Variants in CYP2C19 observed in about 807,000 individuals in gnomAD.
CYP2C19 encodes cytochrome P450 2C19.
A neutral mutation model predicts 40.9 loss-of-function variants in CYP2C19; 59 were observed. The observed-to-expected ratio is 1.44, with a 90% CI of 1.17 to 1.79. The LOEUF is 1.79. CYP2C19 is among the 40% of genes most tolerant of loss of function. CYP2C19 has a pLI of 0.00. For missense variants in CYP2C19, 754 were observed against 596.9 expected, an observed-to-expected ratio of 1.26 and a Z score of -2.74; for synonymous variants, 253 against 208.7, an observed-to-expected ratio of 1.21 and a Z score of -1.83.
At chr10:94,822,899 G>T (rs911810071) in intron 6 of CYP2C19, among the ~76,000 whole-genome samples, 2 of 151,752 alleles carry the variant, frequency 1.3e-5, no homozygotes, top group African/African-American at 2.4e-5. Flanking sequence ...GTCTGTTCAT[G>T]TCCTTTCACC....
At chr10:94,775,818 T>C (rs1214451008) in intron 3 of CYP2C19, 3 of 512,596 alleles carry the variant, frequency 5.9e-6, no homozygotes, top group Non-Finnish European at 1.0e-5. Context: ...ATGATGAATA[T>C]AGATTTTGAG....
chr10:94,843,086 A>T, intron 7 of CYP2C19, 62 bp downstream of exon 7: 9 of 1,586,642 alleles, frequency 5.7e-6, no homozygotes, highest in Non-Finnish European at 6.9e-6. Flanking sequence ...TCACAGTATG[A>T]TTCTTACCCT....
At chr10:94,771,735 C>T (rs1363685935) in intron 1 of CYP2C19, among the ~76,000 whole-genome samples, 2 of 152,040 alleles carry the variant, frequency 1.3e-5, no homozygotes, top group South Asian at 2.1e-4. Context: ...TCCCTGGACC[C>T]TGCTGATCAG....
chr10:94,792,230 T>C (rs934907319), intron 5 of CYP2C19, among the ~76,000 whole-genome samples: 1 of 152,170 alleles, frequency 6.6e-6, no homozygotes, highest in Admixed American at 6.5e-5. Flanking sequence ...TCTTCCTCCA[T>C]CCCTTTATTT....
chr10:94,775,031 T>G, intron 1 of CYP2C19, 27 bp from the exon 2 acceptor site: 3 of 1,610,660 alleles, frequency 1.9e-6, no homozygotes, highest in Non-Finnish European at 2.5e-6. Flanking sequence ...TGACTTCATT[T>G]GCTGTTAACT....
At chr10:94,847,971 A>T (rs945720208) in intron 7 of CYP2C19, among the ~76,000 whole-genome samples, 2 of 151,948 alleles carry the variant, frequency 1.3e-5, no homozygotes, top group African/African-American at 4.8e-5. Context: ...TAGATTCTGG[A>T]TATTAGCCCT....
At chr10:94,832,145 T>A (rs1270703974) in intron 6 of CYP2C19, among the ~76,000 whole-genome samples, 1 of 152,198 alleles carries the variant, frequency 6.6e-6, no homozygotes, top group East Asian at 1.9e-4. Flanking sequence ...CCCAGCACAA[T>A]CTATTGATGA....
chr10:94,798,842 G>C (rs1589358148), intron 5 of CYP2C19, among the ~76,000 whole-genome samples: 1 of 57,002 alleles, frequency 1.8e-5, no homozygotes. Flanking sequence ...TTTTTTTGCT[G>C]TCTATTTGCT....
At chr10:94,836,464 A>ATTCTC (rs2134281919) in intron 6 of CYP2C19, among the ~76,000 whole-genome samples, 1 of 152,294 alleles carries the variant, frequency 6.6e-6, no homozygotes, top group East Asian at 1.9e-4. Context: ...CTTGGGTTAG[A>ATTCTC]GACTTCTTTA....
chr10:94,797,999 T>C (rs1848712023), intron 5 of CYP2C19, among the ~76,000 whole-genome samples: 1 of 152,198 alleles, frequency 6.6e-6, no homozygotes, highest in Non-Finnish European at 1.5e-5. Context: ...CTTTCAGTAC[T>C]GCTCTGATCT....
chr10:94,774,850 T>C lies in CYP2C19; in HGVS notation c.169-208T>C, dbSNP rs567611862. On this transcript the variant is annotated intron_variant, in intron 1 of 8. Coordinates refer to ENST00000371321, the MANE Select transcript of CYP2C19 (RefSeq NM_000769.4). ...GGGTTAATTGTAATCTGTGTAGCAA[T>C]TGTCTGACCATTGCCTTGAACATCA... 7.8e-5 allele frequency: 46 copies of C among 589,390 alleles called. 1 individual carries two copies. The highest frequency in any genetic ancestry group is 6.9e-4 in the South Asian group (33 of 48,146). The allele number at this position is 589,390 out of a possible 1,614,324, so 36.5% of individuals were successfully genotyped here. A position where few individuals can be genotyped will look rare whatever the true frequency, so the allele number is the denominator to read the frequency against.
At chr10:94,821,233 T>C (rs936965291) in intron 6 of CYP2C19, among the ~76,000 whole-genome samples, 3 of 152,180 alleles carry the variant, frequency 2.0e-5, no homozygotes, top group Non-Finnish European at 4.4e-5. Context: ...GACAGTGACT[T>C]ATGGCAGGAA....
Position 94,832,091 on chromosome 10 carries a change from T to G in CYP2C19, c.962-10746T>G, listed in dbSNP as rs147095732. 3.1e-3 allele frequency among the ~76,000 whole-genome samples: 472 copies of G among 152,306 alleles called. 3 individuals are homozygous for G. Among genetic ancestry groups the G allele is most frequent in the African/African-American group, 0.011 (449 of 41,574 alleles). On this transcript the variant is annotated intron_variant, in intron 6 of 8. Transcript: ENST00000371321. ...GAGTTGATTTTTGTATGTGGCAAGA[T>G]ATATGAGTCCAGATTCATCCCTCTG...
chr10:94,779,856 T>C (rs1037132929), intron 3 of CYP2C19, among the ~76,000 whole-genome samples: 2 of 152,114 alleles, frequency 1.3e-5, no homozygotes, highest in African/African-American at 4.8e-5. Context: ...CAGTGTGCCC[T>C]ATCTAATTTA....
intron 1 of CYP2C19, 62 bp from the exon 2 acceptor site, chr10:94,774,996 C>T (rs771679218): frequency 9.6e-5 from 149 of 1,546,062 alleles, no homozygotes; most frequent in Non-Finnish European, 1.2e-4. Flanking sequence ...GAATCTAAGT[C>T]AGGCTTAGTA....
At chr10:94,765,896 C>A (rs1277128886) in intron 1 of CYP2C19, among the ~76,000 whole-genome samples, 3 of 151,982 alleles carry the variant, frequency 2.0e-5, no homozygotes, top group Non-Finnish European at 4.4e-5. Flanking sequence ...TAACAGGTTG[C>A]ATTGCATTCA....
intron 6 of CYP2C19, among the ~76,000 whole-genome samples, chr10:94,829,560 A>AT (rs1174014390): frequency 6.6e-6 from 1 of 151,852 alleles, no homozygotes; most frequent in Non-Finnish European, 1.5e-5. Flanking sequence ...CTTCTTCTAA[A>AT]TTTTTTTCAA....
intron 5 of CYP2C19, among the ~76,000 whole-genome samples, chr10:94,785,196 T>C (rs1848525930): frequency 6.6e-6 from 1 of 152,140 alleles, no homozygotes; most frequent in Admixed American, 6.6e-5. Flanking sequence ...ATTTTTTCTT[T>C]TGCTCCTCTG....
rs749507932 is a variant in CYP2C19 at position 94,781,885 on chromosome 10, A to C, written c.707A>C (p.Asn236Thr). The stretch of plus-strand genomic sequence containing the variant: ...GGAACCCATAACAAATTACTTAAAA[A>C]CCTTGCTTTTATGGAAAGTGATATT... ...FPGTHNKLLK[N>T]LAFMESDILE... The change falls in exon 5 of 9, where the codon AAC becomes ACC. Residue 236 changes from asparagine to threonine, a missense_variant. Coordinates refer to ENST00000371321, the MANE Select transcript of CYP2C19 (RefSeq NM_000769.4). 18 of 1,501,238 alleles carry C rather than the reference A, an allele frequency of 1.2e-5. No individual in the cohort carries two copies. The highest frequency in any genetic ancestry group is 1.7e-4 in the Middle Eastern group (1 of 5,784). 93.0% of individuals were successfully genotyped at this position (1,501,238 alleles called of 1,614,324 possible). A position where few individuals can be genotyped will look rare whatever the true frequency, so the allele number is the denominator to read the frequency against.
Sources: allele counts gnomAD v4.1 joint callset (sites outside exome capture counted in the v4.1 genomes callset), GRCh38; gene constraint gnomAD v4.1.1; transcripts MANE v1.5; gene names NCBI Gene and HGNC (gene_info 2026-07-23, HGNC 2026-07-21).